CDK19: variants seen among roughly 807,000 people sequenced by gnomAD.
CDK19 encodes cyclin dependent kinase 19.
Under a neutral mutation model 68.3 loss-of-function variants are expected in CDK19, and 20 were observed. The observed-to-expected ratio is 0.29, with a 90% CI of 0.21 to 0.43. The LOEUF (loss-of-function observed/expected upper bound fraction) is 0.43. Among genes scored for constraint, CDK19 ranks in the 20% least tolerant of loss-of-function variants. The probability of loss-of-function intolerance (pLI) is 1.00; values close to 1 mark genes in which losing one functional copy is unlikely to be tolerated. For synonymous variants in CDK19, 221 were observed against 222.8 expected, an observed-to-expected ratio of 0.99 and a Z score of 0.07; for missense variants, 339 against 623.5, an observed-to-expected ratio of 0.54 and a Z score of 4.86.
intron 2 of CDK19, among the ~76,000 whole-genome samples, chr6:110,675,394 G>A (rs746910465): frequency 1.8e-4 from 27 of 152,224 alleles, no homozygotes; most frequent in Non-Finnish European, 3.1e-4. Flanking sequence ...TTGAGAGGCC[G>A]AGGCAGGTGA....
chr6:110,772,946 T>C (rs1016493076), intron 1 of CDK19, among the ~76,000 whole-genome samples: 9 of 146,474 alleles, frequency 6.1e-5, no homozygotes, highest in African/African-American at 1.3e-4. Context: ...CAGGGCGTGG[T>C]GGCCAATGCC....
chr6:110,610,807 C>T lies in CDK19; in HGVS notation c.*3728G>A, dbSNP rs1000755568. The T allele has an allele frequency of 5.9e-5, 9 of 152,124 alleles. No individual in the cohort carries two copies. The highest frequency in any genetic ancestry group is 3.9e-4 in the Admixed American group (6 of 15,264). The allele number at this position is 152,124 out of a possible 1,614,324, so 9.4% of individuals were successfully genotyped here. Reference sequence around the variant, plus strand: ...GTATAGTTTCTGCTGCATAAATTTACTCAAAAGCACATCAAGTTGCATGTC... The same window carrying T: ...GTATAGTTTCTGCTGCATAAATTTATTCAAAAGCACATCAAGTTGCATGTC... On this transcript the variant is annotated 3_prime_UTR_variant, in exon 13 of 13. Coordinates refer to ENST00000368911, the MANE Select transcript of CDK19 (RefSeq NM_015076.5).
In CDK19 at chr6:110,791,684, G is replaced by A. The variant is rs1781604535; in HGVS notation, c.128+23325C>T. On this transcript the variant is annotated intron_variant, in intron 1 of 12. Transcript: ENST00000368911. The stretch of plus-strand genomic sequence containing the variant: ...TTTTTCTTTTTTTTATAGAGACAAG[G>A]TCTCACTATGTCGCCCAGGCTGAAT... Among the ~76,000 whole-genome samples the A allele has an allele frequency of 2.0e-5, 3 of 151,960 alleles. No individual in the cohort carries two copies. The East Asian group carries it at 5.8e-4, about 29-fold the overall frequency.
chr6:110,699,701 T>C (rs147408581), intron 2 of CDK19, among the ~76,000 whole-genome samples: 9 of 152,240 alleles, frequency 5.9e-5, no homozygotes, highest in African/African-American at 2.2e-4. Context: ...CAAAAACTAC[T>C]TGTACCCCAC....
At chr6:110,630,839 T>C (rs1194291145) in intron 6 of CDK19, among the ~76,000 whole-genome samples, 2 of 152,256 alleles carry the variant, frequency 1.3e-5, no homozygotes, top group Non-Finnish European at 2.9e-5. Context: ...ATTTACAATA[T>C]TGCAGCACTG....
intron 1 of CDK19, among the ~76,000 whole-genome samples, chr6:110,753,096 T>C (rs1230976307): frequency 6.6e-6 from 1 of 151,788 alleles, no homozygotes; most frequent in Admixed American, 6.6e-5. Flanking sequence ...ACCAGGCTAA[T>C]TTTTTGTACT....
At chr6:110,641,182 AG>A (rs1780136268) in intron 4 of CDK19, among the ~76,000 whole-genome samples, 1 of 152,220 alleles carries the variant, frequency 6.6e-6, no homozygotes, top group Non-Finnish European at 1.5e-5. Context: ...TATTTATCAA[AG>A]GTCCATTATG....
chr6:110,724,353 C>T (rs1776171722), intron 2 of CDK19, among the ~76,000 whole-genome samples: 1 of 151,750 alleles, frequency 6.6e-6, no homozygotes, highest in Non-Finnish European at 1.5e-5. Flanking sequence ...GAAACTCCAC[C>T]TTAAAAAAAA....
At chr6:110,766,122 A>C (rs1267855813) in intron 1 of CDK19, among the ~76,000 whole-genome samples, 2 of 152,242 alleles carry the variant, frequency 1.3e-5, no homozygotes, top group Non-Finnish European at 2.9e-5. Flanking sequence ...AAAGAGAATC[A>C]GTATGTCAAA....
chr6:110,623,415 T>C, intron 8 of CDK19, 53 bp from the exon 9 acceptor site: 19 of 1,584,998 alleles, frequency 1.2e-5, no homozygotes, highest in Non-Finnish European at 1.6e-5. Context: ...CCAATTGATA[T>C]TTCTTAATGA....
chr6:110,638,602 A>G (rs773075777), intron 5 of CDK19, 47 bp downstream of exon 5: 4 of 904,090 alleles, frequency 4.4e-6, no homozygotes, highest in Admixed American at 1.8e-5. Flanking sequence ...CCATCTTTGC[A>G]GTTAACTTCA....
At chr6:110,640,963 T>C (rs1780108873) in intron 4 of CDK19, among the ~76,000 whole-genome samples, 1 of 151,680 alleles carries the variant, frequency 6.6e-6, no homozygotes, top group South Asian at 2.1e-4. Context: ...TCTCAAAAAA[T>C]ATTAAATAAA....
chr6:110,761,292 G>A (rs1779214412), intron 1 of CDK19, among the ~76,000 whole-genome samples: 2 of 152,154 alleles, frequency 1.3e-5, no homozygotes, highest in African/African-American at 4.8e-5. Context: ...AGATAGCACA[G>A]GCAACTGGTT....
chr6:110,627,519 T>C (rs1779167574), intron 6 of CDK19, among the ~76,000 whole-genome samples: 1 of 152,078 alleles, frequency 6.6e-6, no homozygotes, highest in East Asian at 1.9e-4. Context: ...TTCTAACCAC[T>C]TTTTTTGTTG....
chr6:110,749,787 T>G (rs961403951), intron 1 of CDK19, among the ~76,000 whole-genome samples: 1 of 152,040 alleles, frequency 6.6e-6, no homozygotes, highest in Non-Finnish European at 1.5e-5. Flanking sequence ...TTTTTTTTTT[T>G]TTTGAGACAG....
chr6:110,778,509 C>T (rs886625688), intron 1 of CDK19, among the ~76,000 whole-genome samples: 1 of 152,184 alleles, frequency 6.6e-6, no homozygotes, highest in African/African-American at 2.4e-5. Context: ...ATGGCTTTTA[C>T]TCAGAGTTAG....
intron 1 of CDK19, among the ~76,000 whole-genome samples, chr6:110,768,750 C>G (rs568970135): frequency 6.6e-6 from 1 of 152,092 alleles, no homozygotes; most frequent in African/African-American, 2.4e-5. Context: ...AGGTGTAGCA[C>G]AGGTGATGTT....
intron 4 of CDK19, among the ~76,000 whole-genome samples, chr6:110,659,790 G>A (rs1781507489): frequency 6.6e-6 from 1 of 152,120 alleles, no homozygotes; most frequent in South Asian, 2.1e-4. Flanking sequence ...GAAAATCACT[G>A]AACAATGTTT....
At chr6:110,660,296 C>T (rs767755231) in intron 4 of CDK19, among the ~76,000 whole-genome samples, 17 of 152,030 alleles carry the variant, frequency 1.1e-4, no homozygotes, top group Non-Finnish European at 1.6e-4. Context: ...GTACAGGAGC[C>T]GGGGCGAGTA....
Sources: allele counts gnomAD v4.1 joint callset (sites outside exome capture counted in the v4.1 genomes callset), GRCh38; gene constraint gnomAD v4.1.1; transcripts MANE v1.5; gene names NCBI Gene and HGNC (gene_info 2026-07-23, HGNC 2026-07-21).